Variants in KCNH5 observed in about 807,000 individuals in gnomAD.
KCNH5 encodes the protein voltage-gated delayed rectifier potassium channel KCNH5.
Under a neutral mutation model 96.1 loss-of-function variants are expected in KCNH5, and 46 were observed. The ratio of observed to expected loss-of-function variants is 0.48; its 90% CI spans 0.38 to 0.61. The LOEUF (loss-of-function observed/expected upper bound fraction) is 0.61. Among genes scored for constraint, KCNH5 ranks in the 20% least tolerant of loss-of-function variants. The pLI is 0.00. For missense variants in KCNH5, 907 were observed against 1,225.8 expected, an observed-to-expected ratio of 0.74 and a Z score of 3.88; for synonymous variants, 439 against 449.8, an observed-to-expected ratio of 0.98 and a Z score of 0.30.
At chr14:62,916,500 G>A (rs1439884368) in intron 7 of KCNH5, among the ~76,000 whole-genome samples, 6 of 152,242 alleles carry the variant, frequency 3.9e-5, no homozygotes, top group South Asian at 4.1e-4. Flanking sequence ...AATTAACTTC[G>A]AGGGAAAGCC....
chr14:63,017,767 A>AC (rs1891353232), intron 1 of KCNH5, among the ~76,000 whole-genome samples: 1 of 151,572 alleles, frequency 6.6e-6, no homozygotes, highest in African/African-American at 2.4e-5. Flanking sequence ...AAAAGTAAAA[A>AC]TTTTTAAAGC....
chr14:62,973,080 T>C (rs139196367), intron 6 of KCNH5, among the ~76,000 whole-genome samples: 31 of 151,920 alleles, frequency 2.0e-4, no homozygotes, highest in Middle Eastern at 6.8e-3. Flanking sequence ...GGGATTTCCA[T>C]AGTGGGAGAA....
At chr14:62,898,683 A>G (rs1438651194) in intron 7 of KCNH5, among the ~76,000 whole-genome samples, 1 of 152,180 alleles carries the variant, frequency 6.6e-6, no homozygotes, top group Non-Finnish European at 1.5e-5. Context: ...ACTCAGCAAA[A>G]TAAATCTGGT....
intron 8 of KCNH5, among the ~76,000 whole-genome samples, chr14:62,805,612 G>T (rs1015272848): frequency 3.9e-5 from 6 of 152,088 alleles, no homozygotes; most frequent in African/African-American, 1.4e-4. Flanking sequence ...TTAAGGGATG[G>T]AGTAAAATTA....
chr14:62,907,284 C>G (rs1889048360), intron 7 of KCNH5, among the ~76,000 whole-genome samples: 1 of 152,170 alleles, frequency 6.6e-6, no homozygotes, highest in Admixed American at 6.5e-5. Context: ...ATGACCCAGT[C>G]ATACCTTGAG....
chr14:62,980,906 T>C lies in KCNH5; in HGVS notation c.908A>G (p.Tyr303Cys). ...ATTTTCAAAGGCATTGATGATGTCA[T>C]AAGGTAAACAAGACAGCAGATCGAT... is the stretch of plus-strand genomic sequence containing the variant. ...FVIDLLSCLP[Y>C]DIINAFENVD... Residue 303 changes from tyrosine (Y) to cysteine (C), a missense_variant, in exon 6 of 11, where the codon TAT becomes TGT. Tyr to Cys is a radical substitution (Grantham distance 194, BLOSUM62 -2). Around this residue, in one of 6 missense-constraint regions of KCNH5, gnomAD observed 370 missense variants for 561.3 expected, o/e 0.66. Transcript: ENST00000322893. 1 of 1,614,062 alleles carries C rather than the reference T, an allele frequency of 6.2e-7. No homozygotes were observed. The highest frequency in any genetic ancestry group is 8.5e-7 in the Non-Finnish European group (1 of 1,180,008).
intron 2 of KCNH5, among the ~76,000 whole-genome samples, chr14:63,013,824 C>T (rs1175168937): frequency 6.6e-6 from 1 of 152,018 alleles, no homozygotes; most frequent in African/African-American, 2.4e-5. Context: ...TATGATGTAG[C>T]TAAACTTCTA....
At chr14:62,781,241 C>A (rs989607174) in intron 9 of KCNH5, among the ~76,000 whole-genome samples, 1 of 151,922 alleles carries the variant, frequency 6.6e-6, no homozygotes, top group Non-Finnish European at 1.5e-5. Context: ...AGGGAGTGTG[C>A]GAATAGGTGT....
chr14:62,925,536 T>C (rs963570503), intron 7 of KCNH5, among the ~76,000 whole-genome samples: 2 of 152,108 alleles, frequency 1.3e-5, no homozygotes, highest in Non-Finnish European at 2.9e-5. Context: ...ACATATGTTA[T>C]ATAGGTATAC....
chr14:62,935,745 G>A (rs572512968), intron 7 of KCNH5, among the ~76,000 whole-genome samples: 2 of 152,294 alleles, frequency 1.3e-5, no homozygotes, highest in African/African-American at 4.8e-5. Context: ...ATCTGGTACA[G>A]AGATGAGGAA....
chr14:62,975,465 CAATT>C (rs1174653188), intron 6 of KCNH5, among the ~76,000 whole-genome samples: 3 of 151,212 alleles, frequency 2.0e-5, no homozygotes, highest in African/African-American at 4.9e-5. Flanking sequence ...TAAGAATTGA[CAATT>C]AAATATTAAT....
At chr14:63,030,928 G>A (rs552634672) in intron 1 of KCNH5, among the ~76,000 whole-genome samples, 1 of 152,248 alleles carries the variant, frequency 6.6e-6, no homozygotes, top group East Asian at 1.9e-4. Context: ...CAAAGTATGG[G>A]CCAGCATCAC....
intron 7 of KCNH5, among the ~76,000 whole-genome samples, chr14:62,921,731 T>TG (rs2140108835): frequency 6.6e-6 from 1 of 152,266 alleles, no homozygotes; most frequent in South Asian, 2.1e-4. Flanking sequence ...AAGACTTGAA[T>TG]GAGTCACGAC....
chr14:62,961,323 A>T (rs1389767515), intron 6 of KCNH5, among the ~76,000 whole-genome samples: 1 of 152,108 alleles, frequency 6.6e-6, no homozygotes, highest in African/African-American at 2.4e-5. Context: ...CTCACCTAGG[A>T]GATCTCCAAA....
At chr14:62,870,879 C>T (rs1277443714) in intron 7 of KCNH5, among the ~76,000 whole-genome samples, 1 of 152,150 alleles carries the variant, frequency 6.6e-6, no homozygotes, top group African/African-American at 2.4e-5. Context: ...CAAGGTCAAA[C>T]CGCTAGTAAG....
At chr14:62,886,992 A>G (rs936493313) in intron 7 of KCNH5, among the ~76,000 whole-genome samples, 1 of 152,202 alleles carries the variant, frequency 6.6e-6, no homozygotes, top group Admixed American at 6.5e-5. Flanking sequence ...GCCAAACAAA[A>G]TGCCATATTT....
intron 10 of KCNH5, among the ~76,000 whole-genome samples, chr14:62,730,906 T>C (rs1024187911): frequency 1.3e-5 from 2 of 152,180 alleles, no homozygotes; most frequent in Non-Finnish European, 2.9e-5. Flanking sequence ...CTATAGCATG[T>C]AGAACTCCTT....
chr14:62,793,108 A>C (rs546853576), intron 9 of KCNH5, among the ~76,000 whole-genome samples: 5 of 151,828 alleles, frequency 3.3e-5, no homozygotes, highest in Non-Finnish European at 7.4e-5. Flanking sequence ...CATTCATAGA[A>C]GCAGAGAATA....
intron 7 of KCNH5, among the ~76,000 whole-genome samples, chr14:62,912,647 C>A (rs1215226672): frequency 1.3e-5 from 2 of 152,126 alleles, no homozygotes; most frequent in East Asian, 3.9e-4. Flanking sequence ...CTCAAGCAAT[C>A]CGCCAGCCTC....
Sources: allele counts gnomAD v4.1 joint callset (sites outside exome capture counted in the v4.1 genomes callset), GRCh38; gene constraint gnomAD v4.1.1; regional missense constraint gnomAD v4.1.1; transcripts MANE v1.5; gene names NCBI Gene and HGNC (gene_info 2026-07-23, HGNC 2026-07-21).